Variants in UPP2 observed in about 807,000 individuals in gnomAD.
The protein encoded by UPP2 is uridine phosphorylase 2.
Under a neutral mutation model 26.7 loss-of-function variants are expected in UPP2, and 23 were observed. That is an observed-to-expected ratio of 0.86 (90% CI 0.62 to 1.22). The LOEUF is 1.22. Among genes scored for constraint, UPP2 ranks in the 50% most tolerant of loss-of-function variants. UPP2 has a pLI of 0.00. For missense variants in UPP2, 387 were observed against 396.7 expected (o/e 0.98, Z 0.21); for synonymous variants, 127 against 141.3 (o/e 0.90, Z 0.72).
At chr2:158,114,348 C>G (rs1436028794) in intron 2 of UPP2, among the ~76,000 whole-genome samples, 2 of 152,074 alleles carry the variant, frequency 1.3e-5, no homozygotes, top group African/African-American at 4.8e-5. Flanking sequence ...CTCTCCCACT[C>G]CTGGTACCTG....
At chr2:158,072,998 C>G (rs573209343) in intron 3 of UPP2, among the ~76,000 whole-genome samples, 1 of 152,034 alleles carries the variant, frequency 6.6e-6, no homozygotes, top group Admixed American at 6.6e-5. Context: ...TACCATGGAC[C>G]AATCCTGGAA....
intron 2 of UPP2, among the ~76,000 whole-genome samples, chr2:158,107,820 C>T (rs1009236730): frequency 2.6e-5 from 4 of 152,056 alleles, no homozygotes; most frequent in African/African-American, 9.7e-5. Flanking sequence ...TTTCTTCACT[C>T]CTCTCCAGGC....
rs1683922889 is a variant in UPP2 at position 158,135,887 on chromosome 2, T to C, written c.*997T>C. ...GGATGGGGGATGGGTAGAGGATGACTGGCACACTTGTATAGTATGTAATGT... is the reference window on the plus strand; with the variant it reads ...GGATGGGGGATGGGTAGAGGATGACCGGCACACTTGTATAGTATGTAATGT... On this transcript the variant is annotated 3_prime_UTR_variant, in exon 7 of 7. Coordinates refer to ENST00000005756, the MANE Select transcript of UPP2 (RefSeq NM_173355.4). 6.6e-6 allele frequency: 1 copy of C among 152,352 alleles called. No homozygotes were observed. The highest frequency in any genetic ancestry group is 1.5e-5 in the Non-Finnish European group (1 of 68,144). 9.4% of individuals were successfully genotyped at this position (152,352 alleles called of 1,614,324 possible).
chr2:158,099,119 G>A (rs1281878031), upstream of UPP2, among the ~76,000 whole-genome samples: 1 of 152,186 alleles, frequency 6.6e-6, no homozygotes, highest in Non-Finnish European at 1.5e-5. Flanking sequence ...GAGGAGTGTG[G>A]TAACTTGCGT....
Position 158,090,627 on chromosome 2 carries a change from C to G in UPP2, c.148-11413C>G, listed in dbSNP as rs1193109971. On this transcript the variant is annotated intron_variant, in intron 3 of 9. Transcript: ENST00000605860. Reference sequence around the variant, plus strand: ...AAAAATTTTCATTTCTAATTTTTTGCAATATTATTTTTGCTTGTTAAACAA... The same window carrying G: ...AAAAATTTTCATTTCTAATTTTTTGGAATATTATTTTTGCTTGTTAAACAA... Among the ~76,000 whole-genome samples, 3 of 152,188 alleles carry G rather than the reference C, an allele frequency of 2.0e-5. 1 individual carries two copies. In the Middle Eastern group the frequency reaches 0.01, roughly 518 times the overall value.
intron 3 of UPP2, among the ~76,000 whole-genome samples, chr2:158,067,634 G>C (rs1294166213): frequency 7.9e-6 from 1 of 126,500 alleles, no homozygotes. Flanking sequence ...CAGATTGCCA[G>C]ATTCCAAGTT....
At chr2:158,048,511 G>A (rs1682089303) in intron 3 of UPP2, among the ~76,000 whole-genome samples, 1 of 152,194 alleles carries the variant, frequency 6.6e-6, no homozygotes, top group Admixed American at 6.5e-5. Context: ...GGCTAAGGTG[G>A]GAGGATTGTT....
rs371386466 is a variant in UPP2, at chr2:158,065,478, A to T, written c.148-36562A>T. The T allele has an allele frequency of 1.1e-3, 334 of 311,094 alleles. 3 individuals are homozygous for T. Among genetic ancestry groups the T allele is most frequent in the African/African-American group, 7.1e-3 (316 of 44,794 alleles). 19.3% of individuals were successfully genotyped at this position (311,094 alleles called of 1,614,324 possible). A position where few individuals can be genotyped will look rare whatever the true frequency, so the allele number is the denominator to read the frequency against. On this transcript the variant is annotated intron_variant, in intron 3 of 9. Coordinates refer to the UPP2 transcript ENST00000605860. ...TTGAAGTAGACTTCAGTTTCTTTGC[A>T]TCATTTCTGTATTCAACTTTTAAAA...
intron 2 of UPP2, among the ~76,000 whole-genome samples, chr2:158,006,241 C>T (rs773120272): frequency 9.9e-5 from 15 of 152,154 alleles, no homozygotes; most frequent in Non-Finnish European, 1.9e-4. Context: ...GGGCAGATCA[C>T]GAGGTCAGGA....
At chr2:158,070,648 C>T (rs1475905720) in intron 3 of UPP2, among the ~76,000 whole-genome samples, 2 of 152,272 alleles carry the variant, frequency 1.3e-5, no homozygotes, top group Admixed American at 6.5e-5. Context: ...ACTGACTGCC[C>T]CCAAAGGAAC....
intron 2 of UPP2, among the ~76,000 whole-genome samples, chr2:158,004,737 TG>T (rs1217962063): frequency 7.9e-5 from 12 of 152,248 alleles, no homozygotes; most frequent in Admixed American, 2.6e-4. Flanking sequence ...AAATGCAATT[TG>T]GTAACTTTTT....
intron 3 of UPP2, among the ~76,000 whole-genome samples, chr2:158,035,648 G>A (rs1382965994): frequency 6.6e-6 from 1 of 152,156 alleles, no homozygotes; most frequent in East Asian, 1.9e-4. Context: ...AGTCTACCTG[G>A]GAATTGCTTT....
At chr2:158,100,704 G>T (rs1214589369), upstream of UPP2, among the ~76,000 whole-genome samples, 1 of 152,172 alleles carries the variant, frequency 6.6e-6, no homozygotes, top group Non-Finnish European at 1.5e-5. Flanking sequence ...AGACTATTTT[G>T]CCTCATAGTC....
chr2:158,014,340 G>A (rs1006514315), intron 2 of UPP2, among the ~76,000 whole-genome samples: 2 of 152,146 alleles, frequency 1.3e-5, no homozygotes, highest in Admixed American at 6.5e-5. Context: ...ACCCCAGCTC[G>A]CAAATACTCT....
At chr2:158,060,935 T>C (rs1178271937) in intron 3 of UPP2, among the ~76,000 whole-genome samples, 2 of 152,202 alleles carry the variant, frequency 1.3e-5, no homozygotes, top group Admixed American at 6.5e-5. Context: ...ACCCGGTCTA[T>C]GGCATTTTAG....
chr2:158,135,091 G>T lies in UPP2; in HGVS notation c.*201G>T. The T allele has an allele frequency of 1.6e-6, 1 of 610,156 alleles. No homozygotes were observed. Among genetic ancestry groups the T allele is most frequent in the Non-Finnish European group, 2.5e-6 (1 of 403,900 alleles). The allele number at this position is 610,156 out of a possible 1,614,324, so 37.8% of individuals were successfully genotyped here. On this transcript the variant is annotated 3_prime_UTR_variant, in exon 7 of 7. Transcript: ENST00000005756. ...TAAATTAAATTCAAATTTCATTTTA[G>T]AATAAGTTAACTAAATCAGTCTAAT... is the stretch of plus-strand genomic sequence containing the variant.
chr2:158,117,863 G>A lies in UPP2; in HGVS notation c.379G>A (p.Glu127Lys), dbSNP rs769385960. 1.2e-6 allele frequency: 2 copies of A among 1,613,086 alleles called. No individual in the cohort carries two copies. Among genetic ancestry groups the A allele is most frequent in the South Asian group, 1.1e-5 (1 of 91,052 alleles). The change falls in exon 4 of 7, where the codon GAA becomes AAA. Residue 127 changes from glutamate to lysine, a missense_variant. Physicochemically the swap from Glu to Lys is moderately conservative, Grantham distance 56. Coordinates refer to ENST00000005756, the MANE Select transcript of UPP2 (RefSeq NM_173355.4). ...CCCCTCCATTTCTATTATGCTTCAT[G>A]AACTCATCAAATTACTCCACCATGC... is the stretch of plus-strand genomic sequence containing the variant. Reference protein sequence around the residue: ...GIPSISIMLHELIKLLHHARC... With the variant: ...GIPSISIMLHKLIKLLHHARC...
chr2:158,120,387 G>A (rs993797318), intron 4 of UPP2, among the ~76,000 whole-genome samples: 1 of 152,028 alleles, frequency 6.6e-6, no homozygotes, highest in African/African-American at 2.4e-5. Flanking sequence ...ATGAACCATA[G>A]GCTTGCGGAG....
intron 3 of UPP2, among the ~76,000 whole-genome samples, chr2:158,091,067 C>T (rs893478825): frequency 2.0e-5 from 3 of 152,134 alleles, no homozygotes; most frequent in South Asian, 2.1e-4. Flanking sequence ...GGAAGTAACG[C>T]GTCACTTGTG....
Sources: gnomAD v4.1 joint callset for allele counts (sites outside exome capture counted in the v4.1 genomes callset) on GRCh38, gnomAD v4.1.1 for gene constraint, MANE v1.5 for transcripts, NCBI Gene and HGNC (gene_info 2026-07-23, HGNC 2026-07-21) for gene names.